CRY1: variants seen among roughly 807,000 people sequenced by gnomAD.
CRY1 encodes the protein cryptochrome circadian regulator 1.
CRY1 carries 45 observed loss-of-function variants against 76.0 expected under a neutral mutation model. The observed-to-expected ratio is 0.59, with a 90% confidence interval of 0.47 to 0.76. The LOEUF (loss-of-function observed/expected upper bound fraction) is 0.76. Among genes scored for constraint, CRY1 ranks in the 30% least tolerant of loss-of-function variants. The probability of loss-of-function intolerance (pLI) is 0.00; values close to 1 mark genes in which losing one functional copy is unlikely to be tolerated. For missense variants in CRY1, 587 were observed against 716.4 expected, an observed-to-expected ratio of 0.82 and a Z score of 2.06; for synonymous variants, 248 against 244.0, an observed-to-expected ratio of 1.02 and a Z score of -0.15.
chr12:107,074,970 G>A (rs1188667729), intron 1 of CRY1, among the ~76,000 whole-genome samples: 2 of 151,966 alleles, frequency 1.3e-5, no homozygotes, highest in African/African-American at 2.4e-5. Flanking sequence ...AGCCAAGATC[G>A]TGCCACTGCA....
At chr12:107,030,674 G>T (rs1952664454) in intron 1 of CRY1, among the ~76,000 whole-genome samples, 1 of 150,574 alleles carries the variant, frequency 6.6e-6, no homozygotes, top group African/African-American at 2.4e-5. Flanking sequence ...GTACAGTAAT[G>T]ATATCTACCA....
intron 8 of CRY1, 38 bp from the exon 9 acceptor site, chr12:106,997,728 C>G: frequency 6.2e-7 from 1 of 1,606,974 alleles, no homozygotes; most frequent in African/African-American, 1.3e-5. Flanking sequence ...ATAAAATGCA[C>G]TCTAAGCAAA....
chr12:107,001,991 C>T (rs202233698), intron 3 of CRY1, 43 bp from the exon 4 acceptor site: 40 of 1,501,244 alleles, frequency 2.7e-5, no homozygotes, highest in Non-Finnish European at 3.5e-5. Context: ...TTAAAAAAGA[C>T]AATACATTTT....
Position 106,997,386 on chromosome 12 carries a change from C to T in CRY1, c.1493G>A (p.Gly498Asp). Residue 498 changes from glycine to aspartate, a missense_variant and splice_region_variant, in exon 10 of 13, where the codon GGT (glycine) becomes GAT (aspartate). Physicochemically the swap from Gly to Asp is moderately conservative, Grantham distance 94. Coordinates refer to ENST00000008527, the MANE Select transcript of CRY1 (RefSeq NM_004075.5). ...ATTAGAAGGTACTGATGCCAGAAGA[C>T]CTAAAGGACAAAAAAATTTTCTTTT... ...YQQLSRYRGL[G>D]LLASVPSNPN... The T allele has an allele frequency of 6.2e-7, 1 of 1,613,120 alleles. No homozygotes were observed. The highest frequency in any genetic ancestry group is 8.5e-7 in the Non-Finnish European group (1 of 1,179,726).
At chr12:107,026,149 T>TATAAC (rs376091936) in intron 1 of CRY1, among the ~76,000 whole-genome samples, 13,535 of 62,276 alleles carry the variant, frequency 0.22, 4,232 homozygotes, top group East Asian at 0.8. Flanking sequence ...ATATTACATA[T>TATAAC]ATATATAAAA....
intron 1 of CRY1, among the ~76,000 whole-genome samples, chr12:107,039,392 A>G (rs1686883275): frequency 6.6e-6 from 1 of 152,244 alleles, no homozygotes; most frequent in South Asian, 2.1e-4. Context: ...AAGCTCACCT[A>G]TAGAATGGAA....
intron 1 of CRY1, among the ~76,000 whole-genome samples, chr12:107,087,508 C>A (rs1007370725): frequency 1.3e-5 from 2 of 152,206 alleles, no homozygotes; most frequent in Non-Finnish European, 2.9e-5. Context: ...TTAATGTCTG[C>A]CCTTGTAGGT....
intron 1 of CRY1, among the ~76,000 whole-genome samples, chr12:107,045,759 T>C (rs1212199912): frequency 4.0e-5 from 6 of 150,332 alleles, no homozygotes; most frequent in Admixed American, 3.3e-4. Flanking sequence ...AACTGAACAA[T>C]GAGAACACTT....
intron 1 of CRY1, among the ~76,000 whole-genome samples, chr12:107,037,425 G>A (rs1050539212): frequency 1.3e-5 from 2 of 151,990 alleles, no homozygotes; most frequent in African/African-American, 4.8e-5. Context: ...CCAACTACTC[G>A]GGAGGCAGAG....
At chr12:107,032,083 C>T (rs532399541) in intron 1 of CRY1, among the ~76,000 whole-genome samples, 2 of 151,992 alleles carry the variant, frequency 1.3e-5, no homozygotes, top group African/African-American at 4.8e-5. Flanking sequence ...TACAGGCATG[C>T]GCCACCACGC....
chr12:107,027,439 A>G (rs1952629261), intron 1 of CRY1, among the ~76,000 whole-genome samples: 2 of 152,166 alleles, frequency 1.3e-5, no homozygotes, highest in Non-Finnish European at 2.9e-5. Context: ...TACATACAAC[A>G]GGTTGCTTTT....
intron 1 of CRY1, among the ~76,000 whole-genome samples, chr12:107,065,289 T>C (rs1953096680): frequency 6.6e-6 from 1 of 150,708 alleles, no homozygotes; most frequent in African/African-American, 2.4e-5. Flanking sequence ...AGTGAGACTC[T>C]GTCTGAAAAA....
Position 106,999,954 on chromosome 12 carries a change from A to C in CRY1, c.813T>G (p.Asp271Glu). Reference sequence around the variant, plus strand: ...TTTTAGAGAATACCTTTTTGTAGAGATCTGTTAGTTTGAAGTAAAACAGTC... The same window carrying C: ...TTTTAGAGAATACCTTTTTGTAGAGCTCTGTTAGTTTGAAGTAAAACAGTC... ...SCRLFYFKLT[D>E]LYKKVKKNSS... Residue 271 changes from aspartate (D) to glutamate (E), a missense_variant, in exon 6 of 13, where the codon GAT (aspartate) becomes GAG (glutamate). Coordinates refer to ENST00000008527, the MANE Select transcript of CRY1 (RefSeq NM_004075.5). 6.2e-7 allele frequency: 1 copy of C among 1,607,642 alleles called. No homozygotes were observed. The highest frequency in any genetic ancestry group is 2.2e-5 in the East Asian group (1 of 44,854).
intron 1 of CRY1, among the ~76,000 whole-genome samples, chr12:107,025,568 A>C (rs2136849300): frequency 6.6e-6 from 1 of 152,308 alleles, no homozygotes; most frequent in East Asian, 1.9e-4. Context: ...AAGCACAATT[A>C]TATGTTATCT....
intron 1 of CRY1, among the ~76,000 whole-genome samples, chr12:107,064,717 G>C (rs1412082948): frequency 1.3e-5 from 2 of 152,070 alleles, no homozygotes; most frequent in Non-Finnish European, 2.9e-5. Context: ...ACAATAATTT[G>C]AAAGAAAAAC....
intron 6 of CRY1, 21 bp from the exon 7 acceptor site, chr12:106,999,883 A>G (rs762546831): frequency 6.3e-7 from 1 of 1,592,246 alleles, no homozygotes; most frequent in South Asian, 1.2e-5. Flanking sequence ...AAAGCAAAGA[A>G]GTATTATCAG....
intron 2 of CRY1, among the ~76,000 whole-genome samples, chr12:107,020,147 G>A (rs1185874006): frequency 2.1e-5 from 3 of 143,924 alleles, no homozygotes; most frequent in Non-Finnish European, 4.5e-5. Flanking sequence ...TTTATTGAAT[G>A]TAAATTTTCA....
intron 2 of CRY1, among the ~76,000 whole-genome samples, chr12:107,015,418 C>A (rs1009813391): frequency 6.6e-6 from 1 of 151,532 alleles, no homozygotes; most frequent in Non-Finnish European, 1.5e-5. Context: ...TAGCTCACTG[C>A]AGCATTAACC....
At chr12:107,070,458 A>G (rs1174188801) in intron 1 of CRY1, among the ~76,000 whole-genome samples, 1 of 152,172 alleles carries the variant, frequency 6.6e-6, no homozygotes, top group East Asian at 1.9e-4. Flanking sequence ...AAAGATAAAT[A>G]TATTAGAATA....
Sources: allele counts gnomAD v4.1 joint callset (sites outside exome capture counted in the v4.1 genomes callset), GRCh38; gene constraint gnomAD v4.1.1; transcripts MANE v1.5; gene names NCBI Gene and HGNC (gene_info 2026-07-23, HGNC 2026-07-21).